The following RELN variants were observed in gnomAD, a reference collection of about 807,000 sequenced individuals.
RELN encodes reelin.
A neutral mutation model predicts 427.6 loss-of-function variants in RELN; 108 were observed. The ratio of observed to expected loss-of-function variants is 0.25; its 90% CI spans 0.22 to 0.30. The LOEUF is 0.30. RELN is among the 10% of genes least tolerant of loss of function. The probability of loss-of-function intolerance (pLI) is 1.00; values close to 1 mark genes in which losing one functional copy is unlikely to be tolerated. For synonymous variants in RELN, 1,524 were observed against 1,513.4 expected, an observed-to-expected ratio of 1.01 and a Z score of -0.16; for missense variants, 3,715 against 4,302.8, an observed-to-expected ratio of 0.86 and a Z score of 3.82.
intron 1 of RELN, among the ~76,000 whole-genome samples, chr7:103,920,965 G>A (rs802790): frequency 0.79 from 119,806 of 152,136 alleles, 47,248 homozygotes; most frequent in South Asian, 0.85. Context: ...TGCACTTCCA[G>A]TGAGTAAACT....
chr7:103,850,664 C>T (rs997968576), intron 2 of RELN, among the ~76,000 whole-genome samples: 2 of 152,158 alleles, frequency 1.3e-5, no homozygotes, highest in Non-Finnish European at 2.9e-5. Context: ...GAACTAAAAC[C>T]TCTTTCTTTC....
chr7:103,897,085 C>G (rs924758887), intron 2 of RELN, among the ~76,000 whole-genome samples: 4 of 152,024 alleles, frequency 2.6e-5, no homozygotes, highest in Non-Finnish European at 4.4e-5. Context: ...GACCTATTCA[C>G]TATCACAAGA....
intron 3 of RELN, among the ~76,000 whole-genome samples, chr7:103,778,260 A>G (rs780960560): frequency 3.9e-5 from 6 of 152,176 alleles, no homozygotes; most frequent in Non-Finnish European, 8.8e-5. Context: ...ACACTGTTCA[A>G]ACCAACCAAT....
In RELN at chr7:103,515,367, TC is replaced by T. The variant is rs1311390592; in HGVS notation, c.7936del (p.Asp2646ThrfsTer62). 6.2e-7 allele frequency: 1 copy of T among 1,614,154 alleles called. No homozygotes were observed. Among genetic ancestry groups the T allele is most frequent in the Admixed American group, 1.7e-5 (1 of 60,024 alleles). On this transcript the variant is annotated frameshift_variant, in exon 50 of 65. Coordinates refer to ENST00000428762, the MANE Select transcript of RELN (RefSeq NM_005045.4). LOFTEE classifies it high-confidence loss of function. ...TRFRWWQPRHDGLDQNDWAID... is the reference protein window; with the variant it reads ...TRFRWWQPRHXGLDQNDWAID... ...GGCCCAGTCGTTCTGATCCAGGCCG[TC>T]ATGTCTTGGCTGCCACCAGCGGAAG...
At chr7:103,804,346 T>C (rs1006668735) in intron 3 of RELN, among the ~76,000 whole-genome samples, 2 of 152,124 alleles carry the variant, frequency 1.3e-5, no homozygotes, top group East Asian at 1.9e-4. Flanking sequence ...CTGGAAATTT[T>C]TTCTATTTCA....
chr7:103,766,732 G>C (rs1184774680), intron 4 of RELN, among the ~76,000 whole-genome samples: 2 of 152,114 alleles, frequency 1.3e-5, no homozygotes, highest in African/African-American at 4.8e-5. Flanking sequence ...CTACCACCAC[G>C]ATCCAAGGGC....
chr7:103,586,454 A>G (rs1197382206), intron 28 of RELN, among the ~76,000 whole-genome samples: 1 of 152,208 alleles, frequency 6.6e-6, no homozygotes, highest in Admixed American at 6.5e-5. Context: ...AGGTAAAATC[A>G]TTCCTTCCAA....
At chr7:103,904,975 CTTTTTTTTT>C (rs67024941) in intron 2 of RELN, among the ~76,000 whole-genome samples, 3 of 77,328 alleles carry the variant, frequency 3.9e-5, no homozygotes, top group Admixed American at 1.9e-4. Context: ...AAGTTCTTTC[CTTTTTTTTT>C]TTTTTTTTTT....
At chr7:103,641,787 G>A (rs1832699209) in intron 16 of RELN, among the ~76,000 whole-genome samples, 1 of 152,090 alleles carries the variant, frequency 6.6e-6, no homozygotes, top group African/African-American at 2.4e-5. Flanking sequence ...GCTCCACTGT[G>A]CACCAAGGAA....
chr7:103,958,330 A>G (rs1270946919), intron 1 of RELN, among the ~76,000 whole-genome samples: 5 of 152,238 alleles, frequency 3.3e-5, no homozygotes, highest in Non-Finnish European at 7.3e-5. Flanking sequence ...AAGGAAAACT[A>G]GTAAGATCCA....
intron 6 of RELN, 55 bp downstream of exon 6, chr7:103,749,371 C>T (rs185441572): frequency 2.3e-6 from 3 of 1,311,408 alleles, no homozygotes; most frequent in African/African-American, 1.4e-5. Flanking sequence ...AAGGAGCAGT[C>T]AGCATCATTT....
intron 41 of RELN, among the ~76,000 whole-genome samples, chr7:103,550,089 A>T (rs1168885712): frequency 1.3e-5 from 2 of 152,236 alleles, no homozygotes; most frequent in Non-Finnish European, 2.9e-5. Context: ...AATCGCAAGA[A>T]TTAGTAAATT....
At chr7:103,697,065 G>T (rs1833991452) in intron 10 of RELN, among the ~76,000 whole-genome samples, 1 of 152,070 alleles carries the variant, frequency 6.6e-6, no homozygotes, top group South Asian at 2.1e-4. Flanking sequence ...ACTATGACTG[G>T]GTGGCTTAAA....
chr7:103,808,918 A>G (rs1173609024), intron 3 of RELN, among the ~76,000 whole-genome samples: 2 of 152,190 alleles, frequency 1.3e-5, no homozygotes, highest in Non-Finnish European at 2.9e-5. Context: ...CTGGTCCTCA[A>G]AAACATGAGT....
intron 2 of RELN, among the ~76,000 whole-genome samples, chr7:103,858,610 A>G (rs186176669): frequency 3.3e-5 from 5 of 152,150 alleles, no homozygotes; most frequent in Non-Finnish European, 7.4e-5. Context: ...ACAATATGGC[A>G]TATAATACTT....
chr7:103,509,865 A>AT (rs1829343285), intron 51 of RELN, among the ~76,000 whole-genome samples: 1 of 152,230 alleles, frequency 6.6e-6, no homozygotes, highest in East Asian at 1.9e-4. Flanking sequence ...GAAGACATTT[A>AT]TGTGGCCAAC....
At chr7:103,796,543 A>G (rs1792302537) in intron 3 of RELN, among the ~76,000 whole-genome samples, 1 of 152,210 alleles carries the variant, frequency 6.6e-6, no homozygotes, top group South Asian at 2.1e-4. Context: ...CCAAAGAGAG[A>G]AATAGTCAAG....
intron 3 of RELN, among the ~76,000 whole-genome samples, chr7:103,796,154 T>A (rs1267289498): frequency 6.6e-6 from 1 of 152,172 alleles, no homozygotes; most frequent in African/African-American, 2.4e-5. Context: ...CTGAACTGAG[T>A]GTATGTACTC....
At chr7:103,541,856 CTG>C (rs561779503) in intron 43 of RELN, among the ~76,000 whole-genome samples, 82 of 152,130 alleles carry the variant, frequency 5.4e-4, no homozygotes, top group East Asian at 1.9e-3. Flanking sequence ...GTTTTTATAA[CTG>C]TGTAATTATT....
Sources: gnomAD v4.1 joint callset for allele counts (sites outside exome capture counted in the v4.1 genomes callset) on GRCh38, gnomAD v4.1.1 for gene constraint, MANE v1.5 for transcripts, NCBI Gene and HGNC (gene_info 2026-07-23, HGNC 2026-07-21) for gene names.